Variants in LNX1 observed in about 807,000 individuals in gnomAD.
The protein encoded by LNX1 is ligand of numb-protein X 1, also known as E3 ubiquitin-protein ligase LNX.
Under a neutral mutation model 68.4 loss-of-function variants are expected in LNX1, and 54 were observed. That is an observed-to-expected ratio of 0.79 (90% CI 0.63 to 0.99). LNX1 has a LOEUF of 0.99. Ranked by LOEUF, LNX1 falls within the 50% of genes least tolerant of loss-of-function variation. The pLI is 0.00. For missense variants in LNX1, 906 were observed against 926.4 expected, an observed-to-expected ratio of 0.98 and a Z score of 0.29; for synonymous variants, 336 against 350.0, an observed-to-expected ratio of 0.96 and a Z score of 0.45.
intron 1 of LNX1, among the ~76,000 whole-genome samples, chr4:53,586,926 A>G (rs1353434985): frequency 6.6e-6 from 1 of 152,236 alleles, no homozygotes; most frequent in South Asian, 2.1e-4. Context: ...CTATGAGATC[A>G]TTAAGGTAAT....
chr4:53,463,425 A>ACTC (rs1722351951), intron 9 of LNX1, among the ~76,000 whole-genome samples: 1 of 151,274 alleles, frequency 6.6e-6, no homozygotes, highest in South Asian at 2.1e-4. Flanking sequence ...CGCAGCGAGA[A>ACTC]CTCCGTATGT....
At chr4:53,469,988 T>A (rs992249335) in intron 9 of LNX1, among the ~76,000 whole-genome samples, 30 of 152,314 alleles carry the variant, frequency 2.0e-4, no homozygotes, top group Middle Eastern at 3.4e-3. Flanking sequence ...CTAACTCATT[T>A]TATGAGGCCA....
chr4:53,575,196 G>T (rs1731408587), intron 1 of LNX1, among the ~76,000 whole-genome samples: 1 of 152,108 alleles, frequency 6.6e-6, no homozygotes, highest in African/African-American at 2.4e-5. Context: ...TGGCCAGGCT[G>T]GTCTTGAACT....
At chr4:53,650,360 C>T (rs1225423712) in intron 1 of LNX1, among the ~76,000 whole-genome samples, 6 of 152,060 alleles carry the variant, frequency 3.9e-5, no homozygotes, top group Admixed American at 6.6e-5. Context: ...AAGCAGGGTG[C>T]GGAGGGCATC....
At chr4:53,500,411 C>T (rs1725387018) in intron 4 of LNX1, 1 of 152,118 alleles carries the variant, frequency 6.6e-6, no homozygotes, top group Non-Finnish European at 1.5e-5. Context: ...CTTCTGTCTT[C>T]CGTAGGTGCT....
rs150534887 is a variant in LNX1, at chr4:53,533,520, T to C, written c.381-25293A>G. 3.9e-4 allele frequency among the ~76,000 whole-genome samples: 59 copies of C among 152,318 alleles called. 1 individual carries two copies. In the East Asian group the frequency reaches 0.01, roughly 26 times the overall value. On this transcript the variant is annotated intron_variant, in intron 2 of 10. Coordinates refer to ENST00000263925, the MANE Select transcript of LNX1 (RefSeq NM_001126328.3). Reference sequence around the variant, plus strand: ...TTCAAGCAATTCTCCTTCCTCAGCCTCCTGAGTAGCTGGGACTACAGGCAC... The same window carrying C: ...TTCAAGCAATTCTCCTTCCTCAGCCCCCTGAGTAGCTGGGACTACAGGCAC...
At chr4:53,590,408 CTTTTTCCAG>C (rs1425796837) in intron 1 of LNX1, among the ~76,000 whole-genome samples, 1 of 152,174 alleles carries the variant, frequency 6.6e-6, no homozygotes, top group African/African-American at 2.4e-5. Flanking sequence ...AGATTTATTT[CTTTTTCCAG>C]TTTTTCCAGC....
At chr4:53,469,325 G>A (rs1722963707) in intron 9 of LNX1, among the ~76,000 whole-genome samples, 1 of 151,872 alleles carries the variant, frequency 6.6e-6, no homozygotes, top group Non-Finnish European at 1.5e-5. Flanking sequence ...AGAATCTCTG[G>A]GACACATTCA....
chr4:53,509,341 C>T (rs1259014779), intron 2 of LNX1, among the ~76,000 whole-genome samples: 1 of 152,074 alleles, frequency 6.6e-6, no homozygotes, highest in Non-Finnish European at 1.5e-5. Flanking sequence ...TTTAAATAGC[C>T]CTTTGAGATC....
At position 53,525,790 on chromosome 4, in the gene LNX1, C is replaced by T. The variant is rs145145208; in HGVS notation, c.381-17563G>A. Among the ~76,000 whole-genome samples the T allele has an allele frequency of 7.0e-4, 106 of 152,278 alleles. 2 individuals carry two copies. The East Asian group carries it at 0.019, about 27-fold the overall frequency. ...TGTGGCCAAAACAGTATCTCCCTTT[C>T]AGGGAGGGCACTCTGAAGGCCAGGA... On this transcript the variant is annotated intron_variant, in intron 2 of 10. Transcript: ENST00000263925.
intron 2 of LNX1, among the ~76,000 whole-genome samples, chr4:53,535,109 T>C (rs1376422191): frequency 8.6e-6 from 1 of 115,734 alleles, no homozygotes; most frequent in African/African-American, 2.6e-5. Context: ...ATAGCACCAA[T>C]GTTTTCTCTC....
At chr4:53,521,240 G>A (rs530488329) in intron 2 of LNX1, among the ~76,000 whole-genome samples, 8 of 152,156 alleles carry the variant, frequency 5.3e-5, no homozygotes, top group Admixed American at 2.0e-4. Flanking sequence ...TTGAGTCCTC[G>A]TGTTTTTGTG....
At chr4:53,650,584 A>G (rs1032446559) in intron 1 of LNX1, among the ~76,000 whole-genome samples, 3 of 152,194 alleles carry the variant, frequency 2.0e-5, no homozygotes, top group African/African-American at 7.2e-5. Flanking sequence ...TTAACATAGA[A>G]ATAAATAGAT....
At chr4:53,527,381 G>A (rs1727693564) in intron 2 of LNX1, among the ~76,000 whole-genome samples, 1 of 152,132 alleles carries the variant, frequency 6.6e-6, no homozygotes, top group Admixed American at 6.5e-5. Context: ...GTGGTGTGAT[G>A]CTCCCTATAT....
intron 2 of LNX1, among the ~76,000 whole-genome samples, chr4:53,561,071 GGTTT>G (rs1344389030): frequency 6.6e-6 from 1 of 152,052 alleles, no homozygotes; most frequent in Non-Finnish European, 1.5e-5. Flanking sequence ...CACTAAACAA[GGTTT>G]ATTTAGGGGC....
chr4:53,576,539 G>C (rs1234926605), intron 1 of LNX1, among the ~76,000 whole-genome samples: 1 of 151,956 alleles, frequency 6.6e-6, no homozygotes, highest in Non-Finnish European at 1.5e-5. Context: ...TTTTAGGTTG[G>C]GCATTTTCAT....
chr4:53,607,192 T>C (rs576015445), intron 2 of LNX1, among the ~76,000 whole-genome samples: 9 of 152,332 alleles, frequency 5.9e-5, no homozygotes, highest in African/African-American at 2.2e-4. Context: ...GCAGATGATA[T>C]GATTCTACAC....
At chr4:53,563,992 T>C (rs533338943) in intron 2 of LNX1, among the ~76,000 whole-genome samples, 2 of 152,330 alleles carry the variant, frequency 1.3e-5, no homozygotes, top group African/African-American at 4.8e-5. Context: ...CTTGAGAGCA[T>C]GTGTTGAGGC....
At position 53,533,107 on chromosome 4, in the gene LNX1, T is replaced by A. The variant is rs1286885788; in HGVS notation, c.381-24880A>T. ...AACACATGGCATAATTGTGTTTATTTGGTTAATTAATTGCCTTCTGGACAG... is the reference window on the plus strand; with the variant it reads ...AACACATGGCATAATTGTGTTTATTAGGTTAATTAATTGCCTTCTGGACAG... On this transcript the variant is annotated intron_variant, in intron 2 of 10. Coordinates refer to ENST00000263925, the MANE Select transcript of LNX1 (RefSeq NM_001126328.3). Among the ~76,000 whole-genome samples, 4 of 152,240 alleles carry A rather than the reference T, an allele frequency of 2.6e-5. No homozygotes were observed. The East Asian group carries it at 7.7e-4, about 29-fold the overall frequency.
Sources: gnomAD v4.1 joint callset for allele counts (sites outside exome capture counted in the v4.1 genomes callset) on GRCh38, gnomAD v4.1.1 for gene constraint, MANE v1.5 for transcripts, NCBI Gene and HGNC (gene_info 2026-07-23, HGNC 2026-07-21) for gene names.